The following ARHGAP6 variants were observed in gnomAD, a reference collection of about 807,000 sequenced individuals.
ARHGAP6 encodes Rho GTPase activating protein 6.
Under a neutral mutation model 55.7 loss-of-function variants are expected in ARHGAP6, and 16 were observed. The ratio of observed to expected loss-of-function variants is 0.29; its 90% CI spans 0.19 to 0.44. The LOEUF is 0.44. Ranked by LOEUF, ARHGAP6 falls within the 20% of genes least tolerant of loss-of-function variation. The pLI, the probability that ARHGAP6 is intolerant of heterozygous loss-of-function variation, is 1.00. For missense variants in ARHGAP6, 698 were observed against 808.9 expected, an observed-to-expected ratio of 0.86 and a Z score of 1.66; for synonymous variants, 382 against 360.9, an observed-to-expected ratio of 1.06 and a Z score of -0.66.
intron 1 of ARHGAP6, among the ~76,000 whole-genome samples, chrX:11,284,626 T>C (rs192936627): frequency 8.9e-6 from 1 of 111,840 alleles, no homozygotes; most frequent in East Asian, 2.8e-4. Context: ...CATTTTCATG[T>C]GTATCTATAT....
At chrX:11,385,403 A>G (rs2049316948) in intron 1 of ARHGAP6, among the ~76,000 whole-genome samples, 1 of 111,908 alleles carries the variant, frequency 8.9e-6, no homozygotes, top group Non-Finnish European at 1.9e-5. Context: ...TAATGCTGCT[A>G]CCAGTATTAA....
intron 1 of ARHGAP6, among the ~76,000 whole-genome samples, chrX:11,535,714 C>G (rs767915540): frequency 1.2e-4 from 13 of 108,322 alleles, no homozygotes; most frequent in Non-Finnish European, 2.3e-4. Context: ...ATTCCAGTCT[C>G]TCATTAACAG....
chrX:11,634,621 T>G (rs2052398243), intron 1 of ARHGAP6, among the ~76,000 whole-genome samples: 2 of 111,858 alleles, frequency 1.8e-5, no homozygotes. Context: ...TGGCATATCC[T>G]TACTATGTGA....
intron 2 of ARHGAP6, among the ~76,000 whole-genome samples, chrX:11,208,530 G>A (rs1475368180): frequency 8.9e-6 from 1 of 112,071 alleles, no homozygotes; most frequent in Non-Finnish European, 1.9e-5. Flanking sequence ...GATCTGTGTT[G>A]TCCAAACCCT....
rs1196355643 is a variant in ARHGAP6 at position 11,411,183 on chromosome X, T to TTTTATATA, written c.589-156477_589-156476insTATATAAA. 3.9e-3 allele frequency among the ~76,000 whole-genome samples: 125 copies of TTTTATATA among 31,775 alleles called. 1 individual carries two copies. Among genetic ancestry groups the TTTTATATA allele is most frequent in the African/African-American group, 0.012 (122 of 10,240 alleles). The allele number at this position is 31,775 out of a possible 115,157, so 27.6% of individuals were successfully genotyped here. ...GGCCTGTGTCACTGGCAGACATTAT[T>TTTTATATA]TATATATATATATATATATATATAT... On this transcript the variant is annotated intron_variant, in intron 1 of 12. Coordinates refer to ENST00000337414, the MANE Select transcript of ARHGAP6 (RefSeq NM_013427.3).
chrX:11,601,179 A>C (rs1383280455), intron 1 of ARHGAP6, among the ~76,000 whole-genome samples: 2 of 111,593 alleles, frequency 1.8e-5, no homozygotes, highest in Admixed American at 9.5e-5. Flanking sequence ...GATCGGGATA[A>C]GTCCTAAAGG....
chrX:11,290,490 CAAA>C (rs746332445), intron 1 of ARHGAP6: 4,047 of 168,198 alleles, frequency 0.024, no homozygotes, highest in Middle Eastern at 0.029. Context: ...TCTACCCCAG[CAAA>C]AAAAAAAAAA....
chrX:11,251,577 A>T (rs1192345194), intron 2 of ARHGAP6, among the ~76,000 whole-genome samples: 1 of 112,488 alleles, frequency 8.9e-6, no homozygotes, highest in Non-Finnish European at 1.9e-5. Context: ...TCCTAATGTG[A>T]CAGAGAACAG....
At chrX:11,572,922 C>T (rs1452373740) in intron 1 of ARHGAP6, among the ~76,000 whole-genome samples, 2 of 112,071 alleles carry the variant, frequency 1.8e-5, no homozygotes, top group Non-Finnish European at 3.8e-5. Context: ...TTTTGATTTG[C>T]ATTTCTCTGA....
chrX:11,171,000 C>T (rs1200288329), intron 8 of ARHGAP6, among the ~76,000 whole-genome samples: 1 of 111,018 alleles, frequency 9.0e-6, no homozygotes. Flanking sequence ...AGCTAAGAGT[C>T]ATGTCAGTGG....
chrX:11,266,062 TGTGTGTGTGTGAGAGA>T, intron 1 of ARHGAP6: 6 of 427,030 alleles, frequency 1.4e-5, no homozygotes, highest in Non-Finnish European at 1.8e-5. Flanking sequence ...TGTGTGTGTG[TGTGTGTGTGTGAGAGA>T]GAGAGAGAGA....
chrX:11,626,775 T>C (rs986217814), intron 1 of ARHGAP6, among the ~76,000 whole-genome samples: 2 of 111,921 alleles, frequency 1.8e-5, no homozygotes, highest in African/African-American at 6.5e-5. Flanking sequence ...GACAAGATGT[T>C]AGATCACCAC....
At chrX:11,384,716 T>C (rs2049307062) in intron 1 of ARHGAP6, among the ~76,000 whole-genome samples, 1 of 112,023 alleles carries the variant, frequency 8.9e-6, no homozygotes, top group Admixed American at 9.5e-5. Context: ...TATCAATGAC[T>C]GGGCACTATC....
intron 1 of ARHGAP6, among the ~76,000 whole-genome samples, chrX:11,388,094 G>T: frequency 8.9e-6 from 1 of 111,840 alleles, no homozygotes; most frequent in Non-Finnish European, 1.9e-5. Context: ...GGGTCAAATG[G>T]TATTTCAAGT....
At chrX:11,348,388 C>A (rs1330201579) in intron 1 of ARHGAP6, among the ~76,000 whole-genome samples, 1 of 111,392 alleles carries the variant, frequency 9.0e-6, no homozygotes, top group Non-Finnish European at 1.9e-5. Context: ...GTTGTGAGAC[C>A]CTGGAAAACA....
intron 1 of ARHGAP6, among the ~76,000 whole-genome samples, chrX:11,322,820 A>G (rs2048450582): frequency 8.9e-6 from 1 of 112,640 alleles, no homozygotes; most frequent in South Asian, 3.6e-4. Flanking sequence ...TTTAAACTCT[A>G]CTAGAATGCT....
chrX:11,537,965 A>T (rs2051120493), intron 1 of ARHGAP6, among the ~76,000 whole-genome samples: 1 of 111,115 alleles, frequency 9.0e-6, no homozygotes. Context: ...AAAAAAACCC[A>T]ATAGTTCCTC....
intron 1 of ARHGAP6, among the ~76,000 whole-genome samples, chrX:11,392,309 T>C (rs1235485525): frequency 9.0e-6 from 1 of 111,573 alleles, no homozygotes; most frequent in African/African-American, 3.3e-5. Flanking sequence ...TGTTCATCAT[T>C]CCAGCCTCCT....
chrX:11,217,360 A>G (rs1270987179), intron 2 of ARHGAP6, among the ~76,000 whole-genome samples: 1 of 111,834 alleles, frequency 8.9e-6, no homozygotes, highest in East Asian at 2.8e-4. Flanking sequence ...ATTTCTCCAC[A>G]TCCTCTCCAG....
Sources: gnomAD v4.1 joint callset for allele counts (sites outside exome capture counted in the v4.1 genomes callset) on GRCh38, gnomAD v4.1.1 for gene constraint, MANE v1.5 for transcripts, NCBI Gene and HGNC (gene_info 2026-07-23, HGNC 2026-07-21) for gene names.